Variants in COG5 observed in about 807,000 individuals in gnomAD.
COG5 encodes component of oligomeric golgi complex 5.
In COG5, 86 loss-of-function variants were observed where a neutral mutation model predicts 110.4. That is an observed-to-expected ratio of 0.78 (90% CI 0.65 to 0.93). The LOEUF (loss-of-function observed/expected upper bound fraction) is 0.93, where lower values mean the gene tolerates loss of function less well. Ranked by LOEUF, COG5 falls within the 40% of genes least tolerant of loss-of-function variation. The probability of loss-of-function intolerance (pLI) is 0.00; values close to 1 mark genes in which losing one functional copy is unlikely to be tolerated. For missense variants in COG5, 1,077 were observed against 987.0 expected (o/e 1.09, Z -1.22); for synonymous variants, 360 against 334.6 (o/e 1.08, Z -0.83).
chr7:107,382,362 T>C (rs1490330455), intron 7 of COG5, among the ~76,000 whole-genome samples: 2 of 152,236 alleles, frequency 1.3e-5, no homozygotes, highest in African/African-American at 2.4e-5. Flanking sequence ...AAAAGGCCTA[T>C]GTAGAAATAA....
chr7:107,328,188 T>C (rs188820853), intron 10 of COG5, among the ~76,000 whole-genome samples: 10 of 152,202 alleles, frequency 6.6e-5, no homozygotes, highest in African/African-American at 1.7e-4. Context: ...CTAGAAGGGA[T>C]AGCCTACTAC....
intron 5 of COG5, among the ~76,000 whole-genome samples, chr7:107,538,186 A>C (rs180895121): frequency 4.6e-5 from 7 of 152,320 alleles, no homozygotes; most frequent in African/African-American, 1.7e-4. Context: ...AGAAGCAGGC[A>C]ACACAGCACC....
In COG5 at chr7:107,202,812, C is replaced by T. The variant is rs546302907; in HGVS notation, c.*704G>A. ...ATTTTTGTTACACGGTTAAACAGCC[C>T]AAAGGTCTGCTTTTAATAACATGAC... On this transcript the variant is annotated 3_prime_UTR_variant, in exon 22 of 22. Coordinates refer to ENST00000297135, the MANE Select transcript of COG5 (RefSeq NM_006348.5). The T allele has an allele frequency of 6.6e-6, 1 of 152,162 alleles. No individual in the cohort carries two copies. The highest frequency in any genetic ancestry group is 1.5e-5 in the Non-Finnish European group (1 of 68,016). The allele number at this position is 152,162 out of a possible 1,614,324, so 9.4% of individuals were successfully genotyped here.
In COG5 at chr7:107,432,776, C is replaced by A. The variant is rs532753628; in HGVS notation, c.539-20144G>T. 2.6e-5 allele frequency among the ~76,000 whole-genome samples: 4 copies of A among 152,048 alleles called. No homozygotes were observed. In the East Asian group the frequency reaches 7.7e-4, roughly 29 times the overall value. On this transcript the variant is annotated intron_variant, in intron 6 of 21. Transcript: ENST00000297135. Reference sequence around the variant, plus strand: ...TGCATCCATTTTCGCAAAAAAAATTCTACAAAAAATTTTCTATTTTTTTCT... The same window carrying A: ...TGCATCCATTTTCGCAAAAAAAATTATACAAAAAATTTTCTATTTTTTTCT...
At chr7:107,519,814 T>TA (rs200451735) in intron 6 of COG5, among the ~76,000 whole-genome samples, 62,711 of 151,598 alleles carry the variant, frequency 0.41, 13,266 homozygotes, top group Non-Finnish European at 0.47. Context: ...ATCACTCTGA[T>TA]ACCAAAATCT....
chr7:107,517,759 G>A (rs770528309), intron 6 of COG5, among the ~76,000 whole-genome samples: 22 of 151,280 alleles, frequency 1.5e-4, no homozygotes, highest in African/African-American at 4.6e-4. Flanking sequence ...GTGCAGTGGC[G>A]CAATCTCGGC....
At chr7:107,220,497 C>T (rs1293010465) in intron 19 of COG5, among the ~76,000 whole-genome samples, 1 of 152,220 alleles carries the variant, frequency 6.6e-6, no homozygotes, top group African/African-American at 2.4e-5. Context: ...GGAATGATGA[C>T]GAGGCTATGC....
intron 12 of COG5, among the ~76,000 whole-genome samples, chr7:107,290,935 C>A (rs866451238): frequency 6.6e-6 from 1 of 152,118 alleles, no homozygotes; most frequent in Non-Finnish European, 1.5e-5. Context: ...TGATTACAGG[C>A]GTCAGCCACC....
chr7:107,310,014 G>T (rs1370704322), intron 11 of COG5, among the ~76,000 whole-genome samples: 1 of 152,148 alleles, frequency 6.6e-6, no homozygotes, highest in Admixed American at 6.5e-5. Context: ...GTAAACAAAA[G>T]TGTACTATAC....
At chr7:107,406,578 T>G (rs1458135957) in intron 7 of COG5, among the ~76,000 whole-genome samples, 1 of 152,042 alleles carries the variant, frequency 6.6e-6, no homozygotes, top group Non-Finnish European at 1.5e-5. Flanking sequence ...TAATATATAT[T>G]TATTTAGAAA....
At chr7:107,435,702 T>C (rs1416134445) in intron 6 of COG5, among the ~76,000 whole-genome samples, 1 of 152,096 alleles carries the variant, frequency 6.6e-6, no homozygotes, top group African/African-American at 2.4e-5. Flanking sequence ...CTGGCAGACA[T>C]GTAAAATGAT....
intron 10 of COG5, among the ~76,000 whole-genome samples, chr7:107,343,922 T>C (rs1047683609): frequency 6.6e-6 from 1 of 151,922 alleles, no homozygotes; most frequent in African/African-American, 2.4e-5. Flanking sequence ...ATGTTCAGCA[T>C]ACCACACTAT....
At chr7:107,358,615 A>C (rs957444773) in intron 10 of COG5, among the ~76,000 whole-genome samples, 2 of 152,174 alleles carry the variant, frequency 1.3e-5, no homozygotes, top group African/African-American at 2.4e-5. Flanking sequence ...GGACCCCATA[A>C]TTCTCTGTTA....
At chr7:107,532,738 A>G (rs1801303597) in intron 5 of COG5, among the ~76,000 whole-genome samples, 4 of 152,194 alleles carry the variant, frequency 2.6e-5, no homozygotes, top group African/African-American at 9.6e-5. Context: ...AGAATAATGT[A>G]TAATTATTCA....
chr7:107,560,678 T>C (rs1803703612), intron 1 of COG5, among the ~76,000 whole-genome samples: 6 of 152,154 alleles, frequency 3.9e-5, no homozygotes, highest in Admixed American at 2.0e-4. Flanking sequence ...ACAGAAAAAG[T>C]GAATTCATTT....
chr7:107,250,331 A>G (rs1297121319), intron 16 of COG5, among the ~76,000 whole-genome samples: 1 of 152,148 alleles, frequency 6.6e-6, no homozygotes, highest in Non-Finnish European at 1.5e-5. Flanking sequence ...ACTGAGGCTT[A>G]AAGAAGTGAA....
At chr7:107,225,194 T>C (rs1800243506) in intron 19 of COG5, among the ~76,000 whole-genome samples, 1 of 152,202 alleles carries the variant, frequency 6.6e-6, no homozygotes, top group South Asian at 2.1e-4. Flanking sequence ...ACTGAGGCCC[T>C]CTGTGGCTAT....
intron 17 of COG5, among the ~76,000 whole-genome samples, chr7:107,240,003 T>C (rs1562928509): frequency 6.6e-6 from 1 of 152,230 alleles, no homozygotes; most frequent in African/African-American, 2.4e-5. Flanking sequence ...ACTTTAATAA[T>C]GTAGAGTTCT....
chr7:107,286,007 A>G (rs1344703725), intron 12 of COG5, among the ~76,000 whole-genome samples: 1 of 152,244 alleles, frequency 6.6e-6, no homozygotes, highest in Non-Finnish European at 1.5e-5. Context: ...AGGAAGATAG[A>G]GAATAATGCT....
Sources: gnomAD v4.1 joint callset for allele counts (sites outside exome capture counted in the v4.1 genomes callset) on GRCh38, gnomAD v4.1.1 for gene constraint, MANE v1.5 for transcripts, NCBI Gene and HGNC (gene_info 2026-07-23, HGNC 2026-07-21) for gene names.